Variants in TRAM2 observed in about 807,000 individuals in gnomAD.
The protein encoded by TRAM2 is translocating chain-associated membrane protein 2.
Under a neutral mutation model 51.0 loss-of-function variants are expected in TRAM2, and 12 were observed. The ratio of observed to expected loss-of-function variants is 0.24; its 90% CI spans 0.15 to 0.38. The LOEUF (loss-of-function observed/expected upper bound fraction) is 0.38, where lower values mean the gene tolerates loss of function less well. Ranked by LOEUF, TRAM2 falls within the 10% of genes least tolerant of loss-of-function variation. TRAM2 has a pLI of 1.00. For missense variants in TRAM2, 361 were observed against 462.0 expected, an observed-to-expected ratio of 0.78 and a Z score of 2.00; for synonymous variants, 175 against 179.4, an observed-to-expected ratio of 0.98 and a Z score of 0.20.
chr6:52,520,628 T>C (rs1302642702), intron 2 of TRAM2, among the ~76,000 whole-genome samples: 1 of 152,158 alleles, frequency 6.6e-6, no homozygotes, highest in Non-Finnish European at 1.5e-5. Flanking sequence ...AACTATCTCA[T>C]GAGATAAGCA....
intron 1 of TRAM2, among the ~76,000 whole-genome samples, chr6:52,549,989 G>A (rs974624410): frequency 2.6e-5 from 4 of 152,162 alleles, no homozygotes; most frequent in African/African-American, 9.7e-5. Context: ...CATATATGAG[G>A]TAGGAGTCAA....
intron 1 of TRAM2, among the ~76,000 whole-genome samples, chr6:52,555,919 C>T (rs1487742503): frequency 6.6e-6 from 1 of 152,078 alleles, no homozygotes; most frequent in African/African-American, 2.4e-5. Context: ...GGTATTTACA[C>T]AGAAAAGAAA....
At position 52,497,671 on chromosome 6, in the gene TRAM2, A is replaced by AAAC; in HGVS notation, c.*5523_*5525dup. Reference sequence around the variant, plus strand: ...GTCCATATGAACAGGCTAGAGTAGAAAACAGACACTTTGTCCACATTTGCA... The same window carrying AAAC: ...GTCCATATGAACAGGCTAGAGTAGAAAACAACAGACACTTTGTCCACATTTGCA... On this transcript the variant is annotated 3_prime_UTR_variant, in exon 11 of 11. Coordinates refer to ENST00000182527, the MANE Select transcript of TRAM2 (RefSeq NM_012288.4). 1 of 152,722 alleles carries AAAC rather than the reference A, an allele frequency of 6.5e-6. No homozygotes were observed. Among genetic ancestry groups the AAAC allele is most frequent in the East Asian group, 1.9e-4 (1 of 5,188 alleles). The allele number at this position is 152,722 out of a possible 1,614,324, so 9.5% of individuals were successfully genotyped here.
intron 1 of TRAM2, among the ~76,000 whole-genome samples, chr6:52,541,803 G>GTTTT (rs56919932): frequency 8.6e-5 from 12 of 138,730 alleles, no homozygotes; most frequent in African/African-American, 3.2e-4. Context: ...AGTTTATTCT[G>GTTTT]TTTTTTTTTT....
intron 1 of TRAM2, among the ~76,000 whole-genome samples, chr6:52,574,932 G>A (rs559722618): frequency 7.9e-5 from 12 of 152,264 alleles, no homozygotes; most frequent in African/African-American, 2.9e-4. Flanking sequence ...GAGAAACTTC[G>A]TCGCTGCAGC....
chr6:52,547,562 G>A (rs1423423017), intron 1 of TRAM2, among the ~76,000 whole-genome samples: 1 of 152,216 alleles, frequency 6.6e-6, no homozygotes, highest in Non-Finnish European at 1.5e-5. Context: ...TTCGCAAAGG[G>A]GCTGGGAAAT....
intron 2 of TRAM2, among the ~76,000 whole-genome samples, chr6:52,534,039 C>T (rs1249036106): frequency 2.0e-5 from 3 of 149,058 alleles, no homozygotes; most frequent in African/African-American, 7.5e-5. Flanking sequence ...GAGCCAAGAT[C>T]GCGCCATTGT....
In TRAM2 at chr6:52,505,656, C is replaced by T. The variant is rs776994347; in HGVS notation, c.818G>A (p.Arg273His). 8.1e-6 allele frequency: 13 copies of T among 1,612,040 alleles called. No individual in the cohort carries two copies. The highest frequency in any genetic ancestry group is 4.4e-5 in the South Asian group (4 of 90,986). ...AVLAIGFGLA[R>H]MENQAFDPEK... ...GGGATCAAATGCCTGGTTTTCCATGCGAGCCAGTCCAAAGCCAATGGCCAG... is the reference window on the plus strand; with the variant it reads ...GGGATCAAATGCCTGGTTTTCCATGTGAGCCAGTCCAAAGCCAATGGCCAG... The change falls in exon 9 of 11, where the codon CGC becomes CAC. Residue 273 changes from arginine (R) to histidine (H), a missense_variant. Physicochemically the swap from Arg to His is conservative, Grantham distance 29. Coordinates refer to ENST00000182527, the MANE Select transcript of TRAM2 (RefSeq NM_012288.4).
Position 52,500,925 on chromosome 6 carries a change from G to C in TRAM2, c.*2272C>G, listed in dbSNP as rs2114053997. The C allele has an allele frequency of 6.6e-6, 1 of 152,410 alleles. No individual in the cohort carries two copies. The highest frequency in any genetic ancestry group is 2.4e-5 in the African/African-American group (1 of 41,580). The allele number at this position is 152,410 out of a possible 1,614,324, so 9.4% of individuals were successfully genotyped here. ...CTCCTGCATGTGAAGCCCTGCCAAT[G>C]ACACAGCCTGGAGAGCACCTAGGAT... On this transcript the variant is annotated 3_prime_UTR_variant, in exon 11 of 11. Coordinates refer to ENST00000182527, the MANE Select transcript of TRAM2 (RefSeq NM_012288.4).
chr6:52,567,705 T>C (rs1767611459), intron 1 of TRAM2, among the ~76,000 whole-genome samples: 1 of 152,356 alleles, frequency 6.6e-6, no homozygotes, highest in Admixed American at 6.5e-5. Flanking sequence ...TTGTTCATTA[T>C]GGATGGCAAT....
chr6:52,552,953 A>C lies in TRAM2; in HGVS notation c.121-17107T>G, dbSNP rs570844430. Reference sequence around the variant, plus strand: ...TATTAAATCCATCATTTCTACTCCCAATGCTGCTAAGAGCTTCATATTCTC... The same window carrying C: ...TATTAAATCCATCATTTCTACTCCCCATGCTGCTAAGAGCTTCATATTCTC... On this transcript the variant is annotated intron_variant, in intron 1 of 10. Coordinates refer to ENST00000182527, the MANE Select transcript of TRAM2 (RefSeq NM_012288.4). 8.5e-5 allele frequency among the ~76,000 whole-genome samples: 13 copies of C among 152,202 alleles called. No individual in the cohort carries two copies. The East Asian group carries it at 2.3e-3, about 27-fold the overall frequency.
chr6:52,504,753 G>A lies in TRAM2; in HGVS notation c.877C>T (p.Leu293Phe). 1 of 1,601,408 alleles carries A rather than the reference G, an allele frequency of 6.2e-7. No homozygotes were observed. Among genetic ancestry groups the A allele is most frequent in the East Asian group, 2.2e-5 (1 of 44,576 alleles). ...GCACACACCAGCAGCAGCACGCAGA[G>A]CCTGCAGAGCAGGGGGTTAGGGGCT... ...KGNFNTLFCR[L>F]CVLLLVCAAQ... is the part of the protein sequence containing the mutation. Residue 293 changes from leucine to phenylalanine, a missense_variant and splice_region_variant, in exon 10 of 11, where the codon CTC becomes TTC. Transcript: ENST00000182527.
At chr6:52,556,846 T>C (rs559211535) in intron 1 of TRAM2, among the ~76,000 whole-genome samples, 135 of 150,828 alleles carry the variant, frequency 9.0e-4, no homozygotes, top group Non-Finnish European at 1.7e-3. Flanking sequence ...GGGAATTGCT[T>C]GAACCCAGGA....
chr6:52,557,247 A>G (rs1424548748), intron 1 of TRAM2, among the ~76,000 whole-genome samples: 2 of 152,176 alleles, frequency 1.3e-5, no homozygotes, highest in Non-Finnish European at 2.9e-5. Flanking sequence ...TACAGACTGT[A>G]CATAACCTAT....
At chr6:52,513,312 T>C (rs1395023047) in intron 4 of TRAM2, among the ~76,000 whole-genome samples, 1 of 152,214 alleles carries the variant, frequency 6.6e-6, no homozygotes, top group African/African-American at 2.4e-5. Context: ...ACTTTAAAAA[T>C]GTTGAAGGCT....
At position 52,498,281 on chromosome 6, in the gene TRAM2, A is replaced by C. The variant is rs2114050304; in HGVS notation, c.*4916T>G. The C allele has an allele frequency of 6.6e-6, 1 of 152,646 alleles. No homozygotes were observed. Among genetic ancestry groups the C allele is most frequent in the African/African-American group, 2.4e-5 (1 of 41,532 alleles). The allele number at this position is 152,646 out of a possible 1,614,324, so 9.5% of individuals were successfully genotyped here. A position where few individuals can be genotyped will look rare whatever the true frequency, so the allele number is the denominator to read the frequency against. On this transcript the variant is annotated 3_prime_UTR_variant, in exon 11 of 11. Transcript: ENST00000182527. ...TGCACAACCCGGAAGAGTGAGAAAA[A>C]CGTGGGCGGGCAAGGGGTAGGGGAG...
intron 7 of TRAM2, among the ~76,000 whole-genome samples, chr6:52,506,354 T>C (rs1766350135): frequency 6.6e-6 from 1 of 152,198 alleles, no homozygotes; most frequent in Non-Finnish European, 1.5e-5. Context: ...TCAGCTGTCC[T>C]GTCTCAGTCA....
intron 1 of TRAM2, among the ~76,000 whole-genome samples, chr6:52,552,922 C>T (rs1767334640): frequency 6.6e-6 from 1 of 152,144 alleles, no homozygotes; most frequent in African/African-American, 2.4e-5. Context: ...TTTTCCTTTA[C>T]TATTTTATTA....
Position 52,508,230 on chromosome 6 carries a change from T to C in TRAM2, c.555+4A>G. ...TCCAAGAAGGGAGAGAAGTGAGCACTCACCTTCCGTACCTTCTGGAAGTAT... is the reference window on the plus strand; with the variant it reads ...TCCAAGAAGGGAGAGAAGTGAGCACCCACCTTCCGTACCTTCTGGAAGTAT... On this transcript the variant is annotated splice_donor_region_variant and intron_variant, in intron 6 of 10. Coordinates refer to ENST00000182527, the MANE Select transcript of TRAM2 (RefSeq NM_012288.4). 1 of 1,613,732 alleles carries C rather than the reference T, an allele frequency of 6.2e-7. No individual in the cohort carries two copies. The highest frequency in any genetic ancestry group is 8.5e-7 in the Non-Finnish European group (1 of 1,179,816).
Sources: allele counts gnomAD v4.1 joint callset (sites outside exome capture counted in the v4.1 genomes callset), GRCh38; gene constraint gnomAD v4.1.1; transcripts MANE v1.5; gene names NCBI Gene and HGNC (gene_info 2026-07-23, HGNC 2026-07-21).